Variants in C1orf94 observed in about 807,000 individuals in gnomAD.
C1orf94 encodes chromosome 1 open reading frame 94.
In C1orf94, 45 loss-of-function variants were observed where a neutral mutation model predicts 53.6. The ratio of observed to expected loss-of-function variants is 0.84; its 90% CI spans 0.66 to 1.08. C1orf94 has a LOEUF of 1.08. Among genes scored for constraint, C1orf94 ranks in the 50% least tolerant of loss-of-function variants. The pLI is 0.00. For missense variants in C1orf94, 762 were observed against 738.9 expected, an observed-to-expected ratio of 1.03 and a Z score of -0.36; for synonymous variants, 304 against 296.1, an observed-to-expected ratio of 1.03 and a Z score of -0.27.
intron 1 of C1orf94, among the ~76,000 whole-genome samples, chr1:34,194,107 T>A (rs1375803298): frequency 6.6e-6 from 1 of 152,222 alleles, no homozygotes; most frequent in Non-Finnish European, 1.5e-5. Context: ...AGATGCTTTC[T>A]TCATTGTTCT....
rs749794102 is a variant in C1orf94, at chr1:34,178,108, G to A, written c.319G>A (p.Glu107Lys). Reference protein sequence around the residue: ...LRGNELSFQEEALELSSGKDE... With the variant: ...LRGNELSFQEKALELSSGKDE... ...AGGCAATGAGCTCAGCTTTCAAGAA[G>A]AGTAAGTACCCCCCTACTCCATTGG... The change falls in exon 1 of 7, where the codon GAA becomes AAA. Residue 107 changes from glutamate to lysine, a missense_variant and splice_region_variant. Glu to Lys is a moderately conservative substitution (Grantham distance 56). Transcript: ENST00000488417. The A allele has an allele frequency of 1.0e-4, 159 of 1,550,910 alleles. 1 individual carries two copies. The East Asian group carries it at 3.8e-3, about 37-fold the overall frequency.
intron 1 of C1orf94, among the ~76,000 whole-genome samples, chr1:34,195,891 A>G (rs1642571419): frequency 6.6e-6 from 1 of 151,998 alleles, no homozygotes; most frequent in Non-Finnish European, 1.5e-5. Flanking sequence ...GAGACTCATC[A>G]TGCCCTCTGA....
intron 4 of C1orf94, among the ~76,000 whole-genome samples, chr1:34,203,785 G>T (rs1239556717): frequency 6.6e-6 from 1 of 152,184 alleles, no homozygotes; most frequent in African/African-American, 2.4e-5. Flanking sequence ...TTATTTTGTC[G>T]ATTTAACTTA....
rs1055114444 is a variant in C1orf94 at position 34,210,780 on chromosome 1, G to A, written c.1525-1430G>A. 7.2e-5 allele frequency among the ~76,000 whole-genome samples: 11 copies of A among 151,916 alleles called. No homozygotes were observed. The East Asian group carries it at 1.4e-3, about 19-fold the overall frequency. On this transcript the variant is annotated intron_variant, in intron 5 of 6. Coordinates refer to ENST00000488417, the MANE Select transcript of C1orf94 (RefSeq NM_001134734.2). ...AGCAATTCTCCTGCCTCAGCCTCCCGAGTAGCTGGGACTACAGGCATGTAC... is the reference window on the plus strand; with the variant it reads ...AGCAATTCTCCTGCCTCAGCCTCCCAAGTAGCTGGGACTACAGGCATGTAC...
rs576654141 is a variant in C1orf94 at position 34,189,504 on chromosome 1, G to A, written c.321-7721G>A. Among the ~76,000 whole-genome samples the A allele has an allele frequency of 2.0e-5, 3 of 152,288 alleles. No individual in the cohort carries two copies. In the East Asian group the frequency reaches 5.8e-4, roughly 29 times the overall value. Reference sequence around the variant, plus strand: ...TCCCTTGCTTCCACACTGGGCAGGGGCCACACTGGGTGCTGTGACATGCAC... The same window carrying A: ...TCCCTTGCTTCCACACTGGGCAGGGACCACACTGGGTGCTGTGACATGCAC... On this transcript the variant is annotated intron_variant, in intron 1 of 6. Coordinates refer to ENST00000488417, the MANE Select transcript of C1orf94 (RefSeq NM_001134734.2).
At chr1:34,218,656 A>T (rs761275837) in intron 6 of C1orf94, 30 bp from the exon 7 acceptor site, 1 of 1,584,582 alleles carries the variant, frequency 6.3e-7, no homozygotes, top group Non-Finnish European at 8.6e-7. Context: ...TAGGAATCTC[A>T]TCATGGCATC....
chr1:34,176,306 C>T (rs975519272), upstream of C1orf94, among the ~76,000 whole-genome samples: 5 of 152,170 alleles, frequency 3.3e-5, no homozygotes, highest in Non-Finnish European at 7.3e-5. Context: ...TTTTCCTTTT[C>T]AGGGGAATTG....
rs367590508 is a variant in C1orf94 at position 34,197,306 on chromosome 1, G to A, written c.402G>A (p.Ser134=). ...QEFLSLTKEH[S]ILVEESSGEL... The stretch of plus-strand genomic sequence containing the variant: ...TCCTAAGCCTCACCAAAGAGCACTC[G>A]ATCCTGGTCGAAGAGAGTTCTGGGG... The change falls in exon 2 of 7, where the codon TCG becomes TCA. Residue 134 remains serine, a synonymous_variant. Transcript: ENST00000488417. The surrounding 1 kb of genome is among the most constrained non-coding windows in gnomAD (Gnocchi z 4.1). The A allele has an allele frequency of 6.0e-5, 93 of 1,558,876 alleles. No homozygotes were observed. Among genetic ancestry groups the A allele is most frequent in the Non-Finnish European group, 7.8e-5 (90 of 1,150,948 alleles).
At chr1:34,196,934 A>T (rs1426588447) in intron 1 of C1orf94, among the ~76,000 whole-genome samples, 1 of 152,140 alleles carries the variant, frequency 6.6e-6, no homozygotes, top group Non-Finnish European at 1.5e-5. Flanking sequence ...GGAGGAATGG[A>T]CTAGAATTAA....
chr1:34,171,917 A>C (rs1642151131), upstream of C1orf94, among the ~76,000 whole-genome samples: 1 of 152,254 alleles, frequency 6.6e-6, no homozygotes, highest in African/African-American at 2.4e-5. Flanking sequence ...GCTGGAAAGT[A>C]GCAACTGTTT....
At chr1:34,184,192 T>C (rs1642351974) in intron 1 of C1orf94, among the ~76,000 whole-genome samples, 1 of 152,122 alleles carries the variant, frequency 6.6e-6, no homozygotes, top group African/African-American at 2.4e-5. Flanking sequence ...GTAGCAGGGA[T>C]GTCATGATTA....
At chr1:34,211,499 A>C (rs1642888697) in intron 5 of C1orf94, among the ~76,000 whole-genome samples, 1 of 152,204 alleles carries the variant, frequency 6.6e-6, no homozygotes, top group Non-Finnish European at 1.5e-5. Flanking sequence ...GTTTGTGCTC[A>C]ACCCCATTGC....
chr1:34,208,048 G>A (rs1476409564), intron 4 of C1orf94, 109 bp from the exon 5 acceptor site: 21 of 1,084,432 alleles, frequency 1.9e-5, no homozygotes, highest in Non-Finnish European at 2.9e-5. Context: ...GGTCTGGTCA[G>A]CAATGTGATG....
intron 1 of C1orf94, among the ~76,000 whole-genome samples, chr1:34,168,945 G>A (rs1642094504): frequency 6.6e-6 from 1 of 152,334 alleles, no homozygotes; most frequent in South Asian, 2.1e-4. Context: ...TTCAGATGGA[G>A]GGAGGAGAGA....
chr1:34,208,085 T>G, intron 4 of C1orf94, 72 bp from the exon 5 acceptor site: 4 of 1,472,836 alleles, frequency 2.7e-6, no homozygotes, highest in Non-Finnish European at 3.8e-6. Flanking sequence ...GTCTGGGAAC[T>G]GAGCTGAGTA....
At chr1:34,181,912 G>A (rs868538550) in intron 1 of C1orf94, among the ~76,000 whole-genome samples, 12 of 152,144 alleles carry the variant, frequency 7.9e-5, no homozygotes, top group Non-Finnish European at 1.8e-4. Flanking sequence ...GGAGAGCAAG[G>A]GCCAGGCATG....
upstream of C1orf94, among the ~76,000 whole-genome samples, chr1:34,173,995 C>T (rs963564423): frequency 6.6e-6 from 1 of 152,236 alleles, no homozygotes; most frequent in Non-Finnish European, 1.5e-5. Context: ...CACTGCTCTG[C>T]ACCAGGCACT....
At chr1:34,200,716 C>A in intron 2 of C1orf94, 56 bp from the exon 3 acceptor site, 1 of 1,600,244 alleles carries the variant, frequency 6.2e-7, no homozygotes, top group Non-Finnish European at 8.5e-7. Context: ...AAGGTGCTTC[C>A]AGCATCCAGC....
At chr1:34,203,945 G>A (rs1297189004) in intron 4 of C1orf94, among the ~76,000 whole-genome samples, 6 of 152,198 alleles carry the variant, frequency 3.9e-5, no homozygotes, top group Non-Finnish European at 7.3e-5. Flanking sequence ...CCATGCCTAA[G>A]ATTTCTGTCT....
Sources: gnomAD v4.1 joint callset for allele counts (sites outside exome capture counted in the v4.1 genomes callset) on GRCh38, gnomAD v4.1.1 for gene constraint, Gnocchi (gnomAD v3.1) non-coding constraint, MANE v1.5 for transcripts, NCBI Gene and HGNC (gene_info 2026-07-23, HGNC 2026-07-21) for gene names.